DGUOK: variants seen among roughly 807,000 people sequenced by gnomAD.
DGUOK encodes the protein deoxyguanosine kinase, mitochondrial.
A neutral mutation model predicts 36.6 loss-of-function variants in DGUOK; 30 were observed. That is an observed-to-expected ratio of 0.82 (90% confidence interval 0.61 to 1.11). The LOEUF is 1.11. DGUOK is among the 50% of genes most tolerant of loss of function. DGUOK has a pLI of 0.00. For missense variants in DGUOK, 361 were observed against 336.4 expected (o/e 1.07, Z -0.57); for synonymous variants, 145 against 126.3 (o/e 1.15, Z -0.99).
At chr2:73,936,735 G>A (rs185975518) in intron 1 of DGUOK, among the ~76,000 whole-genome samples, 8 of 152,280 alleles carry the variant, frequency 5.3e-5, no homozygotes, top group Non-Finnish European at 7.4e-5. Context: ...GTAATATATT[G>A]TGTATTTTAT....
chr2:73,941,909 CTTTTTTTT>C (rs11342540), intron 2 of DGUOK, among the ~76,000 whole-genome samples: 6 of 142,510 alleles, frequency 4.2e-5, no homozygotes, highest in African/African-American at 1.6e-4. Flanking sequence ...TTGTCATTTT[CTTTTTTTT>C]TTTTTTTTTG....
At position 73,943,086 on chromosome 2, in the gene DGUOK, A is replaced by G. The variant is rs576167674; in HGVS notation, c.256-3633A>G. Among the ~76,000 whole-genome samples, 22 of 152,176 alleles carry G rather than the reference A, an allele frequency of 1.4e-4. No homozygotes were observed. In the South Asian group the frequency reaches 2.3e-3, roughly 16 times the overall value. On this transcript the variant is annotated intron_variant, in intron 2 of 6. Coordinates refer to ENST00000264093, the MANE Select transcript of DGUOK (RefSeq NM_080916.3). ...GGTAATGTGTTGTTTGGAATTTTGC[A>G]TGTATATTTATTTATACAGTTGGTT... is the stretch of plus-strand genomic sequence containing the variant.
intron 3 of DGUOK, chr2:73,947,575 A>G (rs1356701952): frequency 6.3e-6 from 1 of 158,868 alleles, no homozygotes; most frequent in Non-Finnish European, 1.4e-5. Context: ...TTTGAATGCA[A>G]GCTAGCAGCA....
At chr2:73,944,991 CCT>C (rs1682184884) in intron 2 of DGUOK, among the ~76,000 whole-genome samples, 1 of 152,150 alleles carries the variant, frequency 6.6e-6, no homozygotes, top group African/African-American at 2.4e-5. Context: ...CCCGAAAATA[CCT>C]CTGAGTTAAA....
At chr2:73,952,749 G>A (rs1402549434) in intron 4 of DGUOK, among the ~76,000 whole-genome samples, 2 of 152,184 alleles carry the variant, frequency 1.3e-5, no homozygotes, top group African/African-American at 4.8e-5. Flanking sequence ...AGTAAAATGG[G>A]GCTACTTGGG....
intron 1 of DGUOK, among the ~76,000 whole-genome samples, chr2:73,934,191 T>A (rs1185430701): frequency 3.3e-5 from 5 of 152,208 alleles, no homozygotes; most frequent in Admixed American, 3.3e-4. Context: ...TGTCAGTTTA[T>A]AGAAAATTTT....
chr2:73,957,546 C>T (rs909139546), intron 5 of DGUOK, among the ~76,000 whole-genome samples: 17 of 152,178 alleles, frequency 1.1e-4, no homozygotes, highest in African/African-American at 2.7e-4. Flanking sequence ...TGGTGTCAGG[C>T]GCCTGTAATA....
chr2:73,933,786 C>G (rs1285477953), intron 1 of DGUOK, among the ~76,000 whole-genome samples: 3 of 152,058 alleles, frequency 2.0e-5, no homozygotes, highest in Admixed American at 2.0e-4. Context: ...AGGGCAAGCT[C>G]TCAGCCTAGA....
intron 5 of DGUOK, among the ~76,000 whole-genome samples, chr2:73,957,669 CAGA>C (rs1683222870): frequency 1.3e-5 from 2 of 152,174 alleles, no homozygotes; most frequent in South Asian, 2.1e-4. Context: ...GTGAGATGCC[CAGA>C]AGAAGTTTAA....
Position 73,958,801 on chromosome 2 carries a change from T to A in DGUOK, c.*65T>A. ...ACTTTCTGAAGCTAGAAAAATGTTG[T>A]GTCTCCCAACCACCTTTCCATCCCC... On this transcript the variant is annotated 3_prime_UTR_variant, in exon 7 of 7. Coordinates refer to ENST00000264093, the MANE Select transcript of DGUOK (RefSeq NM_080916.3). 2.1e-6 allele frequency: 3 copies of A among 1,415,958 alleles called. No individual in the cohort carries two copies. Among genetic ancestry groups the A allele is most frequent in the South Asian group, 1.1e-5 (1 of 87,200 alleles). 87.7% of individuals were successfully genotyped at this position (1,415,958 alleles called of 1,614,324 possible).
At chr2:73,937,452 G>A (rs907826822) in intron 1 of DGUOK, among the ~76,000 whole-genome samples, 12 of 152,254 alleles carry the variant, frequency 7.9e-5, no homozygotes, top group African/African-American at 2.7e-4. Flanking sequence ...GGCAAGAGAT[G>A]ATAAGAGGCT....
At chr2:73,956,393 T>A (rs1683092114) in intron 4 of DGUOK, among the ~76,000 whole-genome samples, 1 of 152,230 alleles carries the variant, frequency 6.6e-6, no homozygotes, top group Admixed American at 6.5e-5. Context: ...TACATACTGC[T>A]TTGAACCCTG....
At chr2:73,935,753 T>C (rs1407516443) in intron 1 of DGUOK, among the ~76,000 whole-genome samples, 1 of 152,216 alleles carries the variant, frequency 6.6e-6, no homozygotes, top group East Asian at 1.9e-4. Flanking sequence ...AGCTGCCTTG[T>C]GATTACTAAA....
Position 73,926,923 on chromosome 2 carries a change from C to G in DGUOK, c.13C>G (p.Arg5Gly), listed in dbSNP as rs977157089. ...AATCGTGGGTGGGATGGCCGCGGGC[C>G]GCCTCTTTCTAAGTCGGCTTCGAGC... MAAG[R>G]LFLSRLRAPF... Residue 5 changes from arginine (R) to glycine (G), a missense_variant, in exon 1 of 7, where the codon CGC (arginine) becomes GGC (glycine). Transcript: ENST00000264093. The G allele has an allele frequency of 1.2e-6, 2 of 1,613,482 alleles. No homozygotes were observed. Among genetic ancestry groups the G allele is most frequent in the African/African-American group, 1.3e-5 (1 of 75,048 alleles).
At chr2:73,938,774 A>G in intron 1 of DGUOK, 136 bp from the exon 2 acceptor site, 1 of 704,518 alleles carries the variant, frequency 1.4e-6, no homozygotes, top group Non-Finnish European at 2.6e-6. Context: ...TGACAATGGT[A>G]CGGCTGCTGA....
At position 73,926,956 on chromosome 2, in the gene DGUOK, A is replaced by G. The variant is rs766122973; in HGVS notation, c.46A>G (p.Ser16Gly). The G allele has an allele frequency of 2.5e-6, 4 of 1,613,256 alleles. No homozygotes were observed. In the Admixed American group the frequency reaches 5.0e-5, roughly 20 times the overall value. The part of the protein sequence containing the change: ...LFLSRLRAPF[S>G]SMAKSPLEGV... The stretch of plus-strand genomic sequence containing the variant: ...TCTAAGTCGGCTTCGAGCACCCTTC[A>G]GTTCCATGGCCAAGAGCCCACTCGA... The change falls in exon 1 of 7, where the codon AGT (serine) becomes GGT (glycine). Residue 16 changes from serine to glycine, a missense_variant. Coordinates refer to ENST00000264093, the MANE Select transcript of DGUOK (RefSeq NM_080916.3).
At chr2:73,934,291 A>G (rs1343307303) in intron 1 of DGUOK, among the ~76,000 whole-genome samples, 1 of 152,238 alleles carries the variant, frequency 6.6e-6, no homozygotes, top group African/African-American at 2.4e-5. Context: ...AGTGGAGCTA[A>G]TGAAAATCAA....
chr2:73,946,921 C>T lies in DGUOK; in HGVS notation c.443+15C>T. On this transcript the variant is annotated intron_variant, in intron 3 of 6. Transcript: ENST00000264093. ...TACAGTGACAGGTAAAATGCCAAGCCCTCCACCAGTCACAAGCCCCATGCT... is the reference window on the plus strand; with the variant it reads ...TACAGTGACAGGTAAAATGCCAAGCTCTCCACCAGTCACAAGCCCCATGCT... The T allele has an allele frequency of 3.7e-6, 6 of 1,603,360 alleles. No homozygotes were observed. Among genetic ancestry groups the T allele is most frequent in the Non-Finnish European group, 5.1e-6 (6 of 1,174,966 alleles).
intron 4 of DGUOK, 28 bp downstream of exon 4, chr2:73,950,760 T>A (rs199956438): frequency 2.5e-6 from 4 of 1,613,948 alleles, no homozygotes; most frequent in Middle Eastern, 3.3e-4. Context: ...ACCTTAGACT[T>A]TAGGGCCATA....
Sources: gnomAD v4.1 joint callset for allele counts (sites outside exome capture counted in the v4.1 genomes callset) on GRCh38, gnomAD v4.1.1 for gene constraint, MANE v1.5 for transcripts, NCBI Gene and HGNC (gene_info 2026-07-23, HGNC 2026-07-21) for gene names.